DOP1B: variants seen among roughly 807,000 people sequenced by gnomAD.
The protein encoded by DOP1B is protein DOP1B.
A neutral mutation model predicts 233.5 loss-of-function variants in DOP1B; 174 were observed. The observed-to-expected ratio is 0.75, with a 90% CI of 0.66 to 0.85. The LOEUF (loss-of-function observed/expected upper bound fraction) is 0.85, where lower values mean the gene tolerates loss of function less well. Among genes scored for constraint, DOP1B ranks in the 40% least tolerant of loss-of-function variants. The pLI is 0.00. For synonymous variants in DOP1B, 1,190 were observed against 1,185.6 expected (o/e 1.00, Z -0.08); for missense variants, 2,652 against 2,846.6 (o/e 0.93, Z 1.56).
chr21:36,275,140 C>A (rs9980084), intron 27 of DOP1B, among the ~76,000 whole-genome samples: 39,866 of 151,918 alleles, frequency 0.26, 5,454 homozygotes, highest in Middle Eastern at 0.36. Flanking sequence ...CCACTGCACC[C>A]GGCCTGATTT....
At chr21:36,200,259 GC>G in intron 3 of DOP1B, 71 bp from the exon 4 acceptor site, 2 of 1,493,432 alleles carry the variant, frequency 1.3e-6, no homozygotes, top group Non-Finnish European at 1.8e-6. Context: ...ACTCCCCTCG[GC>G]TGGCTTGTCA....
rs79458173 is a variant in DOP1B, at chr21:36,223,172, C to T, written c.1251-59C>T. 5.4e-3 allele frequency: 8,271 copies of T among 1,521,440 alleles called. 230 individuals are homozygous for T. In the African/African-American group the frequency reaches 0.079, roughly 14 times the overall value. 94.2% of individuals were successfully genotyped at this position (1,521,440 alleles called of 1,614,324 possible). On this transcript the variant is annotated intron_variant, in intron 10 of 36. Transcript: ENST00000691173. ...GAAATCAATTACAGTTTTTTGGACA[C>T]TTTTTGTAATTCAGGATTTTTTTAT... is the stretch of plus-strand genomic sequence containing the variant.
intron 2 of DOP1B, among the ~76,000 whole-genome samples, chr21:36,176,087 G>GGTGTGTGTGTGT (rs1032491278): frequency 3.3e-4 from 32 of 96,594 alleles, no homozygotes; most frequent in African/African-American, 1.0e-3. Flanking sequence ...TCGACTTTGG[G>GGTGTGTGTGTGT]GTGTGTGTGC....
chr21:36,217,512 C>A (rs189667080), intron 9 of DOP1B, among the ~76,000 whole-genome samples: 117 of 152,316 alleles, frequency 7.7e-4, no homozygotes, highest in African/African-American at 2.6e-3. Context: ...GTCAGCACCC[C>A]CCGATGCTTG....
intron 4 of DOP1B, among the ~76,000 whole-genome samples, chr21:36,203,421 A>G (rs2066392391): frequency 2.0e-5 from 3 of 152,222 alleles, no homozygotes; most frequent in African/African-American, 7.2e-5. Flanking sequence ...GTGCTTGGGT[A>G]GCCAGGTGTG....
intron 31 of DOP1B, among the ~76,000 whole-genome samples, 160 bp from the exon 32 acceptor site, chr21:36,281,323 A>G (rs190439589): frequency 9.2e-5 from 14 of 152,288 alleles, no homozygotes; most frequent in Admixed American, 9.2e-4. Flanking sequence ...AGAAATAACT[A>G]TTTTTTAAAT....
intron 26 of DOP1B, among the ~76,000 whole-genome samples, chr21:36,269,438 A>G (rs547184636): frequency 4.6e-5 from 7 of 152,212 alleles, no homozygotes; most frequent in Admixed American, 2.0e-4. Context: ...TATAGGCATG[A>G]GCCACCACAC....
intron 11 of DOP1B, among the ~76,000 whole-genome samples, chr21:36,224,472 A>G (rs1391181153): frequency 2.0e-5 from 3 of 151,412 alleles, no homozygotes; most frequent in Non-Finnish European, 2.9e-5. Flanking sequence ...GAGCCGCCGC[A>G]TCTGGCCATC....
In DOP1B at chr21:36,230,188, C is replaced by T. The variant is rs184692125; in HGVS notation, c.1666-262C>T. 2.1e-4 allele frequency among the ~76,000 whole-genome samples: 32 copies of T among 152,188 alleles called. No individual in the cohort carries two copies. In the East Asian group the frequency reaches 4.6e-3, roughly 22 times the overall value. ...ACTCTAAAGGGGTTATATATTTAGA[C>T]AAAAACACAAGAAAAATAGGCCCAA... is the stretch of plus-strand genomic sequence containing the variant. On this transcript the variant is annotated intron_variant, in intron 13 of 36. Transcript: ENST00000691173.
At chr21:36,260,266 G>GGAAAGAAA (rs72427881) in intron 23 of DOP1B, among the ~76,000 whole-genome samples, 101 of 124,858 alleles carry the variant, frequency 8.1e-4, no homozygotes, top group African/African-American at 2.3e-3. Context: ...AAGGAAGGAA[G>GGAAAGAAA]GAAAGAAAGA....
chr21:36,172,096 C>A (rs1461963968), intron 2 of DOP1B, among the ~76,000 whole-genome samples: 2 of 152,050 alleles, frequency 1.3e-5, no homozygotes, highest in African/African-American at 4.8e-5. Context: ...GGGGCATGGG[C>A]CTGTGTCCAA....
chr21:36,211,326 C>G (rs2066495209), intron 5 of DOP1B, among the ~76,000 whole-genome samples: 1 of 152,120 alleles, frequency 6.6e-6, no homozygotes, highest in Admixed American at 6.5e-5. Context: ...GGTCCAAACC[C>G]CTCCGGCTCT....
At chr21:36,198,304 C>T (rs1458813578) in intron 2 of DOP1B, among the ~76,000 whole-genome samples, 1 of 151,932 alleles carries the variant, frequency 6.6e-6, no homozygotes, top group Non-Finnish European at 1.5e-5. Context: ...TGGCGGGCAC[C>T]TGTAGTCCCA....
At position 36,188,546 on chromosome 21, in the gene DOP1B, C is replaced by T. The variant is rs182484143; in HGVS notation, c.139-10524C>T. Among the ~76,000 whole-genome samples, 9 of 152,306 alleles carry T rather than the reference C, an allele frequency of 5.9e-5. No homozygotes were observed. The East Asian group carries it at 1.4e-3, about 23-fold the overall frequency. Reference sequence around the variant, plus strand: ...GCCCCCTGGCAGGTGCTTCACTGAGCGTTTGAGCCTGTGTCACCTGGCCTC... The same window carrying T: ...GCCCCCTGGCAGGTGCTTCACTGAGTGTTTGAGCCTGTGTCACCTGGCCTC... On this transcript the variant is annotated intron_variant, in intron 2 of 36. Transcript: ENST00000691173.
intron 24 of DOP1B, chr21:36,260,948 A>G: frequency 1.5e-6 from 2 of 1,323,416 alleles, no homozygotes; most frequent in Non-Finnish European, 1.9e-6. Context: ...TACTTTGAAC[A>G]CTTTATATGA....
intron 2 of DOP1B, among the ~76,000 whole-genome samples, chr21:36,167,958 T>C (rs976477590): frequency 8.0e-6 from 1 of 125,298 alleles, no homozygotes; most frequent in African/African-American, 2.9e-5. Context: ...TTTTTTTTTT[T>C]TTCGAGATGG....
rs73381533 is a variant in DOP1B, at chr21:36,266,669, A to G, written c.5487+2855A>G. 6.3e-3 allele frequency among the ~76,000 whole-genome samples: 958 copies of G among 152,296 alleles called. 7 individuals are homozygous for G. The highest frequency in any genetic ancestry group is 0.022 in the African/African-American group (899 of 41,572). On this transcript the variant is annotated intron_variant, in intron 26 of 36. Transcript: ENST00000691173. ...GTGGAAGCTTCATTACATAGGCATG[A>G]TGGATTAAATCACTGGTCATTGGTG...
At chr21:36,175,236 A>C (rs1030293260) in intron 2 of DOP1B, among the ~76,000 whole-genome samples, 1 of 151,772 alleles carries the variant, frequency 6.6e-6, no homozygotes, top group African/African-American at 2.4e-5. Flanking sequence ...TCAGCCTCCA[A>C]AGTAGCTGGG....
chr21:36,293,260 C>G (rs2067579462), intron 36 of DOP1B, 60 bp from the exon 37 acceptor site: 23 of 1,566,720 alleles, frequency 1.5e-5, no homozygotes, highest in Non-Finnish European at 2.0e-5. Flanking sequence ...CATGTGCTTC[C>G]CAGCCATCTC....
Sources: allele counts gnomAD v4.1 joint callset (sites outside exome capture counted in the v4.1 genomes callset), GRCh38; gene constraint gnomAD v4.1.1; transcripts MANE v1.5; gene names NCBI Gene and HGNC (gene_info 2026-07-23, HGNC 2026-07-21).